UTRN: variants seen among roughly 807,000 people sequenced by gnomAD.
UTRN encodes the protein dystrophin-related protein 1.
A neutral mutation model predicts 463.9 loss-of-function variants in UTRN; 283 were observed. That is an observed-to-expected ratio of 0.61 (90% CI 0.55 to 0.67). The LOEUF is 0.67. Ranked by LOEUF, UTRN falls within the 30% of genes least tolerant of loss-of-function variation. UTRN has a pLI of 0.00. For missense variants in UTRN, 3,922 were observed against 4,084.3 expected, an observed-to-expected ratio of 0.96 and a Z score of 1.08; for synonymous variants, 1,442 against 1,431.5, an observed-to-expected ratio of 1.01 and a Z score of -0.17.
intron 51 of UTRN, among the ~76,000 whole-genome samples, chr6:144,670,250 C>T (rs893831048): frequency 1.3e-5 from 2 of 151,966 alleles, no homozygotes; most frequent in Non-Finnish European, 1.5e-5. Context: ...CCATGAGCAG[C>T]GTAAAACTTC....
In UTRN at chr6:144,539,339, C is replaced by A. The variant is rs772909186; in HGVS notation, c.6415C>A (p.Leu2139Met). 3 of 1,612,422 alleles carry A rather than the reference C, an allele frequency of 1.9e-6. No homozygotes were observed. Among genetic ancestry groups the A allele is most frequent in the Non-Finnish European group, 2.5e-6 (3 of 1,179,390 alleles). The part of the protein sequence containing the change: ...MEVHAEKLKW[L>M]NRTELEMLSD... Reference sequence around the variant, plus strand: ...AGTACATGCTGAAAAACTCAAATGGCTGAATAGAACTGAATTGGAGATGCT... The same window carrying A: ...AGTACATGCTGAAAAACTCAAATGGATGAATAGAACTGAATTGGAGATGCT... Residue 2139 changes from leucine (L) to methionine (M), a missense_variant, in exon 45 of 75, where the codon CTG (leucine) becomes ATG (methionine). Physicochemically the swap from Leu to Met is conservative, Grantham distance 15 (BLOSUM62 2). Coordinates refer to ENST00000367545, the MANE Select transcript of UTRN (RefSeq NM_007124.3).
At chr6:144,421,402 A>T (rs1784816346) in intron 3 of UTRN, among the ~76,000 whole-genome samples, 1 of 152,068 alleles carries the variant, frequency 6.6e-6, no homozygotes, top group African/African-American at 2.4e-5. Context: ...ATAAAAGACA[A>T]ATTTGGGCCG....
chr6:144,465,058 A>G (rs1235430176), intron 23 of UTRN, among the ~76,000 whole-genome samples: 1 of 152,234 alleles, frequency 6.6e-6, no homozygotes, highest in Admixed American at 6.5e-5. Flanking sequence ...TAAACATCCC[A>G]CCATGTACAG....
intron 52 of UTRN, among the ~76,000 whole-genome samples, chr6:144,686,337 A>G (rs985687117): frequency 3.9e-5 from 6 of 152,128 alleles, no homozygotes; most frequent in African/African-American, 1.4e-4. Context: ...AATGTTCCAT[A>G]TGCTGATGAG....
chr6:144,700,757 G>T (rs1253785992), intron 53 of UTRN, among the ~76,000 whole-genome samples: 1 of 147,124 alleles, frequency 6.8e-6, no homozygotes, highest in African/African-American at 2.6e-5. Context: ...TTTTTAAGAT[G>T]GAGTCTTGCT....
At chr6:144,435,389 G>A (rs1786441192) in intron 9 of UTRN, among the ~76,000 whole-genome samples, 1 of 152,182 alleles carries the variant, frequency 6.6e-6, no homozygotes, top group African/African-American at 2.4e-5. Flanking sequence ...GAGGGCAACT[G>A]CCTAAGAAAA....
intron 52 of UTRN, 51 bp downstream of exon 52, chr6:144,678,629 A>G: frequency 6.9e-7 from 1 of 1,458,336 alleles, no homozygotes; most frequent in South Asian, 1.4e-5. Flanking sequence ...AGGGGTAGAT[A>G]CTTGTGATTT....
intron 35 of UTRN, among the ~76,000 whole-genome samples, chr6:144,512,173 G>A (rs1795231277): frequency 6.6e-6 from 1 of 152,182 alleles, no homozygotes; most frequent in East Asian, 1.9e-4. Context: ...ATACCTAACA[G>A]AGTTGTTAAA....
chr6:144,797,602 T>A, intron 63 of UTRN: 1 of 427,782 alleles, frequency 2.3e-6, no homozygotes, highest in South Asian at 4.8e-5. Context: ...GTCTTGGTAT[T>A]TTTTTGCTTC....
intron 2 of UTRN, among the ~76,000 whole-genome samples, chr6:144,321,826 C>T (rs1023857841): frequency 2.0e-5 from 3 of 148,472 alleles, no homozygotes; most frequent in Non-Finnish European, 3.0e-5. Flanking sequence ...AGTATAGTGG[C>T]GTGATCTCCA....
intron 34 of UTRN, among the ~76,000 whole-genome samples, chr6:144,509,109 C>A (rs1794951789): frequency 6.6e-6 from 1 of 152,082 alleles, no homozygotes; most frequent in Non-Finnish European, 1.5e-5. Context: ...GCCTTGAATT[C>A]ATACATTTGT....
At chr6:144,495,371 C>T (rs970926491) in intron 33 of UTRN, among the ~76,000 whole-genome samples, 6 of 152,366 alleles carry the variant, frequency 3.9e-5, no homozygotes, top group Non-Finnish European at 7.3e-5. Context: ...CCCAGTACAC[C>T]CTCCACAGCC....
rs192051735 is a variant in UTRN at position 144,380,252 on chromosome 6, C to T, written c.80-22871C>T. Among the ~76,000 whole-genome samples the T allele has an allele frequency of 3.9e-5, 6 of 151,944 alleles. No homozygotes were observed. In the East Asian group the frequency reaches 1.2e-3, roughly 29 times the overall value. Reference sequence around the variant, plus strand: ...TAAAATGACATTATTAAAGAATGTGCACTGTAATAAAAACAGATTTATAAA... The same window carrying T: ...TAAAATGACATTATTAAAGAATGTGTACTGTAATAAAAACAGATTTATAAA... On this transcript the variant is annotated intron_variant, in intron 2 of 74. Coordinates refer to ENST00000367545, the MANE Select transcript of UTRN (RefSeq NM_007124.3).
Position 144,557,267 on chromosome 6 carries a change from A to T in UTRN, c.7245A>T (p.Glu2415Asp), listed in dbSNP as rs1168474377. Residue 2415 changes from glutamate to aspartate, a missense_variant, in exon 50 of 75, where the codon GAA becomes GAT. Coordinates refer to ENST00000367545, the MANE Select transcript of UTRN (RefSeq NM_007124.3). Reference sequence around the variant, plus strand: ...GTGATGACACAAGGAATGTGAAAGAAACCACAGAGTACTTAAAAACATCAT... The same window carrying T: ...GTGATGACACAAGGAATGTGAAAGATACCACAGAGTACTTAAAAACATCAT... ...YGSDDTRNVK[E>D]TTEYLKTSWI... is the part of the protein sequence containing the mutation. 1.2e-6 allele frequency: 2 copies of T among 1,613,948 alleles called. No individual in the cohort carries two copies. Among genetic ancestry groups the T allele is most frequent in the Admixed American group, 3.3e-5 (2 of 60,016 alleles).
intron 54 of UTRN, among the ~76,000 whole-genome samples, chr6:144,740,671 A>C (rs1233919357): frequency 6.6e-6 from 1 of 152,230 alleles, no homozygotes; most frequent in Non-Finnish European, 1.5e-5. Context: ...GTATGAATAT[A>C]ATGCATCTAG....
chr6:144,652,576 G>A (rs1050749380), intron 51 of UTRN, among the ~76,000 whole-genome samples: 3 of 152,052 alleles, frequency 2.0e-5, no homozygotes, highest in African/African-American at 4.8e-5. Flanking sequence ...ATTTTCAAGC[G>A]TTATCAATGG....
chr6:144,797,785 G>T, intron 63 of UTRN, 39 bp from the exon 64 acceptor site: 1 of 1,595,514 alleles, frequency 6.3e-7, no homozygotes, highest in Non-Finnish European at 8.6e-7. Flanking sequence ...TTTAAATGAA[G>T]GCATTTCTTC....
chr6:144,453,963 G>A (rs558176183), intron 19 of UTRN, 94 bp downstream of exon 19: 8 of 1,021,248 alleles, frequency 7.8e-6, no homozygotes, highest in Non-Finnish European at 9.9e-6. Flanking sequence ...TTTAATACTC[G>A]AATCCTCTTT....
chr6:144,607,449 T>C (rs2128640115), intron 51 of UTRN, among the ~76,000 whole-genome samples: 1 of 152,342 alleles, frequency 6.6e-6, no homozygotes, highest in African/African-American at 2.4e-5. Flanking sequence ...AAACATCTTC[T>C]TTTCTTCTGA....
Sources: gnomAD v4.1 joint callset for allele counts (sites outside exome capture counted in the v4.1 genomes callset) on GRCh38, gnomAD v4.1.1 for gene constraint, MANE v1.5 for transcripts, NCBI Gene and HGNC (gene_info 2026-07-23, HGNC 2026-07-21) for gene names.